DDX31: variants seen among roughly 807,000 people sequenced by gnomAD.
DDX31 encodes the protein DEAD-box helicase 31.
DDX31 carries 70 observed loss-of-function variants against 91.3 expected under a neutral mutation model. That is an observed-to-expected ratio of 0.77 (90% CI 0.63 to 0.94). DDX31 has a LOEUF of 0.94. Ranked by LOEUF, DDX31 falls within the 40% of genes least tolerant of loss-of-function variation. The pLI, the probability that DDX31 is intolerant of heterozygous loss-of-function variation, is 0.00. For synonymous variants in DDX31, 362 were observed against 350.6 expected, an observed-to-expected ratio of 1.03 and a Z score of -0.36; for missense variants, 902 against 925.0, an observed-to-expected ratio of 0.98 and a Z score of 0.32.
intron 18 of DDX31, among the ~76,000 whole-genome samples, chr9:132,613,892 C>T (rs941988899): frequency 6.6e-6 from 1 of 152,176 alleles, no homozygotes; most frequent in Non-Finnish European, 1.5e-5. Flanking sequence ...GCTTCTCACT[C>T]CAACAAGGAA....
At chr9:132,606,833 G>A (rs1831054865) in intron 19 of DDX31, among the ~76,000 whole-genome samples, 1 of 152,144 alleles carries the variant, frequency 6.6e-6, no homozygotes, top group South Asian at 2.1e-4. Flanking sequence ...GGGCTAACGG[G>A]GGTACAGACT....
In DDX31 at chr9:132,641,989, C is replaced by A. The variant is rs919504028; in HGVS notation, c.1440+15G>T. 6.2e-7 allele frequency: 1 copy of A among 1,612,330 alleles called. No homozygotes were observed. The highest frequency in any genetic ancestry group is 8.5e-7 in the Non-Finnish European group (1 of 1,178,362). ...AATGTATCAGCCTTCACATGGAACA[C>A]AGGAGGATACGTACCGTGCAAAGAA... On this transcript the variant is annotated intron_variant, in intron 14 of 19. Coordinates refer to ENST00000372159, the MANE Select transcript of DDX31 (RefSeq NM_022779.9).
In DDX31 at chr9:132,652,412, GTGCTTAAAAC is replaced by G. The variant is rs1486534505; in HGVS notation, c.633+26_633+35del. 2.5e-6 allele frequency: 4 copies of G among 1,613,624 alleles called. No individual in the cohort carries two copies. The African/African-American group carries it at 4.0e-5, about 16-fold the overall frequency. ...TTCAACGGGACATTAGTGAAAGCAT[GTGCTTAAAAC>G]TTGTCCCAAAAGGGAGCCTGCTTAC... On this transcript the variant is annotated intron_variant, in intron 7 of 19. Coordinates refer to ENST00000372159, the MANE Select transcript of DDX31 (RefSeq NM_022779.9).
At chr9:132,663,774 T>C (rs573959407) in intron 1 of DDX31, among the ~76,000 whole-genome samples, 2 of 152,342 alleles carry the variant, frequency 1.3e-5, no homozygotes, top group Admixed American at 1.3e-4. Flanking sequence ...ACCTAAGTAA[T>C]TAAATACAAC....
chr9:132,611,952 T>C, intron 19 of DDX31, 135 bp downstream of exon 19: 1 of 1,277,252 alleles, frequency 7.8e-7, no homozygotes, highest in Non-Finnish European at 1.1e-6. Flanking sequence ...TTTCTTCTCA[T>C]TCCAAGTGCT....
intron 18 of DDX31, among the ~76,000 whole-genome samples, chr9:132,617,879 T>G (rs1831745407): frequency 6.6e-6 from 1 of 152,254 alleles, no homozygotes; most frequent in South Asian, 2.1e-4. Context: ...CTATGGCTCT[T>G]CCTCAGTACT....
At position 132,645,996 on chromosome 9, in the gene DDX31, G is replaced by A; in HGVS notation, c.1279C>T (p.Gln427Ter). Residue 427 changes from glutamine to a stop codon, truncating the protein, a stop_gained, in exon 13 of 20, where the codon CAG becomes TAG. Coordinates refer to ENST00000372159, the MANE Select transcript of DDX31 (RefSeq NM_022779.9). LOFTEE classifies it high-confidence loss of function. ...GCCCCTGAGCTGCTCAGCAGGGTCT[G>A]TAGGAAGAGGCTGTAGTGGAACTCC... is the stretch of plus-strand genomic sequence containing the variant. ...LVEFHYSLFL[Q>*]TLLSSSGAPA... is the part of the protein sequence containing the mutation. The A allele has an allele frequency of 6.2e-7, 1 of 1,614,150 alleles. No individual in the cohort carries two copies. The highest frequency in any genetic ancestry group is 8.5e-7 in the Non-Finnish European group (1 of 1,180,026).
intron 14 of DDX31, among the ~76,000 whole-genome samples, chr9:132,641,675 G>A (rs1309321625): frequency 6.6e-6 from 1 of 152,168 alleles, no homozygotes; most frequent in East Asian, 1.9e-4. Context: ...ATTTTGTTGT[G>A]GAAAGACTTT....
Position 132,604,226 on chromosome 9 carries a change from C to G in DDX31, c.1994+7861G>C, listed in dbSNP as rs187471068. ...CTCTATAACAGATGGATTCATTTGA[C>G]AAATGGTCCCTGAGACTACAGGCCA... On this transcript the variant is annotated intron_variant, in intron 19 of 19. Transcript: ENST00000372159. 9.7e-4 allele frequency among the ~76,000 whole-genome samples: 147 copies of G among 152,300 alleles called. 1 individual carries two copies. The highest frequency in any genetic ancestry group is 3.2e-3 in the African/African-American group (132 of 41,566).
intron 17 of DDX31, among the ~76,000 whole-genome samples, chr9:132,620,332 G>C (rs769444098): frequency 3.7e-4 from 56 of 151,552 alleles, no homozygotes; most frequent in Middle Eastern, 3.4e-3. Context: ...ACTGTCAGGG[G>C]ATTTAGTGAT....
At chr9:132,635,717 G>A (rs1833071210) in intron 14 of DDX31, among the ~76,000 whole-genome samples, 1 of 151,744 alleles carries the variant, frequency 6.6e-6, no homozygotes, top group Non-Finnish European at 1.5e-5. Context: ...GGGCCGAGGT[G>A]GGTGAATCAC....
At chr9:132,664,729 A>C (rs1340295781) in intron 1 of DDX31, among the ~76,000 whole-genome samples, 3 of 151,472 alleles carry the variant, frequency 2.0e-5, no homozygotes, top group Non-Finnish European at 4.4e-5. Flanking sequence ...AAAAAAAAAA[A>C]AAAAAAAACT....
chr9:132,631,636 C>A (rs1268461719), intron 15 of DDX31, among the ~76,000 whole-genome samples: 2 of 152,230 alleles, frequency 1.3e-5, no homozygotes, highest in African/African-American at 4.8e-5. Flanking sequence ...GTGTAAGATG[C>A]TGTCAGGAAC....
chr9:132,619,880 G>GTTT (rs11452408), intron 17 of DDX31, among the ~76,000 whole-genome samples: 1 of 140,144 alleles, frequency 7.1e-6, no homozygotes. Flanking sequence ...CCTTCCCTGT[G>GTTT]TTTTTTTTTT....
At chr9:132,663,541 A>G in intron 1 of DDX31, 1 of 984,622 alleles carries the variant, frequency 1.0e-6, no homozygotes, top group Non-Finnish European at 1.2e-6. Context: ...CAATTCCTCT[A>G]TTTTCTTTGG....
intron 19 of DDX31, among the ~76,000 whole-genome samples, chr9:132,610,440 A>C (rs1564283015): frequency 6.6e-6 from 1 of 152,210 alleles, no homozygotes; most frequent in Non-Finnish European, 1.5e-5. Context: ...GTATCAGAAA[A>C]GAATCAAGCA....
At chr9:132,653,366 C>A (rs1374582621) in intron 6 of DDX31, among the ~76,000 whole-genome samples, 1 of 151,174 alleles carries the variant, frequency 6.6e-6, no homozygotes, top group Non-Finnish European at 1.5e-5. Context: ...TGGTGGCGGG[C>A]GCCTGTAATC....
intron 19 of DDX31, among the ~76,000 whole-genome samples, chr9:132,600,527 C>T (rs1333737051): frequency 6.6e-6 from 1 of 152,206 alleles, no homozygotes; most frequent in Admixed American, 6.5e-5. Flanking sequence ...GCAGGCAGCA[C>T]AGACCACAAC....
intron 1 of DDX31, among the ~76,000 whole-genome samples, chr9:132,669,159 T>A (rs1226000755): frequency 6.6e-6 from 1 of 152,082 alleles, no homozygotes; most frequent in African/African-American, 2.4e-5. Flanking sequence ...TGAAAGGTGG[T>A]AGACTCTTAA....
Sources: gnomAD v4.1 joint callset for allele counts (sites outside exome capture counted in the v4.1 genomes callset) on GRCh38, gnomAD v4.1.1 for gene constraint, MANE v1.5 for transcripts, NCBI Gene and HGNC (gene_info 2026-07-23, HGNC 2026-07-21) for gene names.